The following ZNF131 variants were observed in gnomAD, a reference collection of about 807,000 sequenced individuals.
ZNF131 encodes the protein zinc finger and BTB domain containing 35, also known as zinc finger protein 131.
A neutral mutation model predicts 60.0 loss-of-function variants in ZNF131; 7 were observed. The observed-to-expected ratio is 0.12, with a 90% CI of 0.07 to 0.22. The LOEUF is 0.22. ZNF131 is among the 10% of genes least tolerant of loss of function. The pLI is 1.00. For synonymous variants in ZNF131, 257 were observed against 253.2 expected (o/e 1.01, Z -0.14); for missense variants, 493 against 740.9 (o/e 0.67, Z 3.88).
rs529236959 is a variant in ZNF131 at position 43,139,211 on chromosome 5, A to C, written c.273A>C (p.Thr91=). 15 of 1,612,690 alleles carry C rather than the reference A, an allele frequency of 9.3e-6. No individual in the cohort carries two copies. In the African/African-American group the frequency reaches 1.7e-4, roughly 19 times the overall value. The part of the protein sequence containing the change: ...AFRHLIEFTY[T]AKLMIQGEEE... ...GCCATTTAATTGAGTTCACATATAC[A>C]GCAAAATTAATGATACAAGGAGAAG... The change falls in exon 4 of 7, where the codon ACA becomes ACC. Residue 91 remains threonine (T), a synonymous_variant. Coordinates refer to ENST00000682664, the MANE Select transcript of ZNF131 (RefSeq NM_001330707.2).
intron 4 of ZNF131, among the ~76,000 whole-genome samples, chr5:43,148,777 T>C (rs1236356738): frequency 1.3e-5 from 2 of 152,230 alleles, no homozygotes; most frequent in Non-Finnish European, 2.9e-5. Flanking sequence ...GCTGCACATA[T>C]TAAAGTACAC....
In ZNF131 at chr5:43,143,579, T is replaced by G. The variant is rs576131675; in HGVS notation, c.371+4270T>G. 4 of 326,788 alleles carry G rather than the reference T, an allele frequency of 1.2e-5. No individual in the cohort carries two copies. In the Admixed American group the frequency reaches 1.4e-4, roughly 12 times the overall value. The allele number at this position is 326,788 out of a possible 1,614,324, so 20.2% of individuals were successfully genotyped here. ...TCCTGGACTTCTGTAATCCCTTTCC[T>G]GTAATTCTGTACAGTCTACATTTTG... On this transcript the variant is annotated intron_variant, in intron 4 of 6. Transcript: ENST00000682664.
intron 4 of ZNF131, among the ~76,000 whole-genome samples, chr5:43,148,665 G>A (rs1373298594): frequency 6.6e-6 from 1 of 152,162 alleles, no homozygotes; most frequent in African/African-American, 2.4e-5. Flanking sequence ...CTACTGTTAG[G>A]CCAGAGTTTG....
intron 4 of ZNF131, among the ~76,000 whole-genome samples, chr5:43,151,042 A>C (rs1162478779): frequency 6.6e-6 from 1 of 152,182 alleles, no homozygotes; most frequent in Non-Finnish European, 1.5e-5. Context: ...GTCTAAGTAT[A>C]GCAAGATGCT....
chr5:43,138,306 G>A (rs955675908), intron 3 of ZNF131, among the ~76,000 whole-genome samples: 1 of 152,184 alleles, frequency 6.6e-6, no homozygotes, highest in Non-Finnish European at 1.5e-5. Flanking sequence ...TGGGTGGTAG[G>A]ATGAGTATAA....
intron 3 of ZNF131, among the ~76,000 whole-genome samples, chr5:43,132,115 C>T (rs1396000979): frequency 6.6e-6 from 1 of 152,162 alleles, no homozygotes; most frequent in Non-Finnish European, 1.5e-5. Context: ...TTTCATTCTA[C>T]TTTGGAAACA....
intron 3 of ZNF131, among the ~76,000 whole-genome samples, chr5:43,128,955 G>A (rs1273740629): frequency 6.6e-6 from 1 of 151,870 alleles, no homozygotes; most frequent in Non-Finnish European, 1.5e-5. Flanking sequence ...TTTTTGAGAC[G>A]GAGTCTCACT....
chr5:43,130,043 A>G (rs1394170586), intron 3 of ZNF131, among the ~76,000 whole-genome samples: 1 of 151,354 alleles, frequency 6.6e-6, no homozygotes, highest in Non-Finnish European at 1.5e-5. Context: ...AGGTGGGCAG[A>G]TTGCCTGAGC....
intron 4 of ZNF131, among the ~76,000 whole-genome samples, chr5:43,160,764 A>G (rs1048046807): frequency 4.8e-5 from 7 of 145,250 alleles, no homozygotes; most frequent in African/African-American, 7.6e-5. Context: ...GCTCACCCCA[A>G]CCTCCGCCTC....
intron 4 of ZNF131, chr5:43,143,249 T>C (rs1005651458): frequency 2.3e-5 from 10 of 432,710 alleles, no homozygotes; most frequent in African/African-American, 1.9e-4. Context: ...GTCTCATCTC[T>C]TTACCTTGTG....
chr5:43,151,871 G>C (rs1748356237), intron 4 of ZNF131, among the ~76,000 whole-genome samples: 2 of 152,202 alleles, frequency 1.3e-5, no homozygotes, highest in Non-Finnish European at 2.9e-5. Context: ...GCACGAACCT[G>C]CATCAGTGTA....
intron 4 of ZNF131, chr5:43,143,609 T>C: frequency 4.2e-6 from 1 of 236,924 alleles, no homozygotes; most frequent in Non-Finnish European, 8.1e-6. Context: ...ATTTTGTGTG[T>C]ATGGCCACTG....
In ZNF131 at chr5:43,163,380, T is replaced by G. The variant is rs112018484; in HGVS notation, c.1054+1449T>G. On this transcript the variant is annotated intron_variant, in intron 5 of 6. Coordinates refer to ENST00000682664, the MANE Select transcript of ZNF131 (RefSeq NM_001330707.2). ...CTCCACCTTTTCAACAGCAAATATG[T>G]CAGGCCTGGCGGACATCCAGGGAGC... Among the ~76,000 whole-genome samples, 1,195 of 152,336 alleles carry G rather than the reference T, an allele frequency of 7.8e-3. 17 individuals are homozygous for G. The highest frequency in any genetic ancestry group is 0.027 in the African/African-American group (1,141 of 41,576).
intron 4 of ZNF131, among the ~76,000 whole-genome samples, chr5:43,141,574 G>A (rs1479076820): frequency 6.6e-6 from 1 of 152,038 alleles, no homozygotes; most frequent in Non-Finnish European, 1.5e-5. Context: ...TTTGAGACCA[G>A]CCTGGGCACC....
chr5:43,122,826 G>A (rs1471447450), intron 2 of ZNF131, among the ~76,000 whole-genome samples: 2 of 152,196 alleles, frequency 1.3e-5, no homozygotes, highest in Admixed American at 6.5e-5. Flanking sequence ...CCAGCTTTGT[G>A]CTTACGGTTT....
intron 4 of ZNF131, among the ~76,000 whole-genome samples, chr5:43,145,167 A>G (rs1242808181): frequency 5.9e-5 from 9 of 152,006 alleles, no homozygotes; most frequent in South Asian, 2.1e-4. Flanking sequence ...GTTTATGTCC[A>G]TTCCGTCATA....
chr5:43,127,361 T>C (rs993873096), intron 3 of ZNF131, among the ~76,000 whole-genome samples: 1 of 152,218 alleles, frequency 6.6e-6, no homozygotes, highest in Non-Finnish European at 1.5e-5. Context: ...GTTCTTGATA[T>C]ACTATGTAGG....
chr5:43,128,422 C>T (rs1001397944), intron 3 of ZNF131, among the ~76,000 whole-genome samples: 8 of 151,780 alleles, frequency 5.3e-5, no homozygotes, highest in African/African-American at 7.3e-5. Context: ...TTTGGGAGGC[C>T]GAGCGGGCGG....
intron 3 of ZNF131, among the ~76,000 whole-genome samples, chr5:43,138,732 G>A (rs1044628986): frequency 5.9e-5 from 9 of 152,126 alleles, no homozygotes; most frequent in Non-Finnish European, 1.2e-4. Context: ...GTGTGATGTC[G>A]TTTAAAATTT....
Sources: gnomAD v4.1 joint callset for allele counts (sites outside exome capture counted in the v4.1 genomes callset) on GRCh38, gnomAD v4.1.1 for gene constraint, MANE v1.5 for transcripts, NCBI Gene and HGNC (gene_info 2026-07-23, HGNC 2026-07-21) for gene names.